The following TEX2 variants were observed in gnomAD, a reference collection of about 807,000 sequenced individuals.
TEX2 encodes the protein testis-expressed protein 2.
A neutral mutation model predicts 106.9 loss-of-function variants in TEX2; 53 were observed. That is an observed-to-expected ratio of 0.50 (90% CI 0.40 to 0.62). The LOEUF is 0.62. Among genes scored for constraint, TEX2 ranks in the 20% least tolerant of loss-of-function variants. The pLI, the probability that TEX2 is intolerant of heterozygous loss-of-function variation, is 0.00. For synonymous variants in TEX2, 523 were observed against 534.8 expected (o/e 0.98, Z 0.30); for missense variants, 1,207 against 1,379.0 (o/e 0.88, Z 1.98).
rs1382577068 is a variant in TEX2 at position 64,219,507 on chromosome 17, TC to T, written c.-25-5266del. ...GGCAACAGAGTGAGACTCCATCTCA[TC>T]AAATAAAATAAAATAAAATAAAATA... On this transcript the variant is annotated intron_variant, in intron 1 of 11. Coordinates refer to ENST00000584379, the MANE Select transcript of TEX2 (RefSeq NM_001288732.2). Among the ~76,000 whole-genome samples, 166 of 135,650 alleles carry T rather than the reference TC, an allele frequency of 1.2e-3. 3 individuals carry two copies. The highest frequency in any genetic ancestry group is 4.2e-3 in the African/African-American group (157 of 37,492). The allele number at this position is 135,650 out of a possible 152,430, so 89.0% of individuals were successfully genotyped here. A position where few individuals can be genotyped will look rare whatever the true frequency, so the allele number is the denominator to read the frequency against.
In TEX2 at chr17:64,148,411, C is replaced by T. The variant is rs2030167016; in HGVS notation, c.*558G>A. ...GTGTGTGTACTATGGCTACTTGCTT[C>T]CCAAATGCACAATTTAATGTGGAAA... On this transcript the variant is annotated 3_prime_UTR_variant, in exon 12 of 12. Transcript: ENST00000584379. The T allele has an allele frequency of 6.5e-6, 1 of 153,542 alleles. No individual in the cohort carries two copies. Among genetic ancestry groups the T allele is most frequent in the Middle Eastern group, 3.4e-3 (1 of 294 alleles). The allele number at this position is 153,542 out of a possible 1,614,324, so 9.5% of individuals were successfully genotyped here. A position where few individuals can be genotyped will look rare whatever the true frequency, so the allele number is the denominator to read the frequency against.
intron 7 of TEX2, 39 bp from the exon 8 acceptor site, chr17:64,160,972 C>T: frequency 1.3e-6 from 2 of 1,589,702 alleles, no homozygotes; most frequent in Non-Finnish European, 1.7e-6. Context: ...TTTTTTCCCT[C>T]AAAAAAACAC....
At chr17:64,175,307 AG>A (rs937833528) in intron 6 of TEX2, among the ~76,000 whole-genome samples, 1 of 152,192 alleles carries the variant, frequency 6.6e-6, no homozygotes, top group Non-Finnish European at 1.5e-5. Context: ...GAACACACTG[AG>A]GGAACACAAT....
intron 5 of TEX2, among the ~76,000 whole-genome samples, chr17:64,184,298 C>G (rs1218339501): frequency 6.7e-6 from 1 of 148,266 alleles, no homozygotes; most frequent in Non-Finnish European, 1.5e-5. Context: ...GATGGAGTCT[C>G]AATATGTTGC....
intron 6 of TEX2, among the ~76,000 whole-genome samples, chr17:64,172,596 C>A (rs1488134760): frequency 6.6e-6 from 1 of 152,096 alleles, no homozygotes; most frequent in East Asian, 1.9e-4. Flanking sequence ...GCCACAGCTC[C>A]TGTAACACAG....
At chr17:64,169,765 A>G (rs1218018446) in intron 7 of TEX2, among the ~76,000 whole-genome samples, 1 of 152,258 alleles carries the variant, frequency 6.6e-6, no homozygotes, top group East Asian at 1.9e-4. Flanking sequence ...AGTAGCTTCC[A>G]TGCTCTACAA....
At chr17:64,160,682 T>C in intron 8 of TEX2, 119 bp downstream of exon 8, 1 of 1,299,068 alleles carries the variant, frequency 7.7e-7, no homozygotes, top group Non-Finnish European at 1.1e-6. Flanking sequence ...CCAGGAGCAC[T>C]TACACAGAAG....
intron 1 of TEX2, among the ~76,000 whole-genome samples, chr17:64,221,139 G>C (rs1290455096): frequency 6.6e-6 from 1 of 152,104 alleles, no homozygotes; most frequent in Non-Finnish European, 1.5e-5. Context: ...CTTATAAGTG[G>C]GACCTGAACA....
rs1555632025 is a variant in TEX2, at chr17:64,213,381, T to A, written c.837A>T (p.Lys279Asn). 1 of 1,614,040 alleles carries A rather than the reference T, an allele frequency of 6.2e-7. No homozygotes were observed. Among genetic ancestry groups the A allele is most frequent in the Non-Finnish European group, 8.5e-7 (1 of 1,180,032 alleles). ...CAATTTTAGCCTCCATTTCGGGCAC[T>A]TTAAAAAAGGAACGAGTATCAGAGG... ...TSPSDTRSFF[K>N]VPEMEAKIED... The change falls in exon 2 of 12, where the codon AAA becomes AAT. Residue 279 changes from lysine to asparagine, a missense_variant. Transcript: ENST00000584379. This position sits in a 1 kb window ranked among gnomAD's most constrained non-coding sequence, Gnocchi z 4.4.
intron 5 of TEX2, among the ~76,000 whole-genome samples, chr17:64,183,756 T>A (rs2031971708): frequency 6.6e-6 from 1 of 152,160 alleles, no homozygotes; most frequent in South Asian, 2.1e-4. Context: ...ACATCCTCAC[T>A]AATACTTGTT....
intron 1 of TEX2, among the ~76,000 whole-genome samples, chr17:64,262,650 T>C (rs2034312554): frequency 6.6e-6 from 1 of 152,136 alleles, no homozygotes; most frequent in Admixed American, 6.5e-5. Flanking sequence ...GCCGCCTCCC[T>C]GCTAAAGCAC....
In TEX2 at chr17:64,195,999, T is replaced by A. The variant is rs1488470260; in HGVS notation, c.1645-904A>T. On this transcript the variant is annotated intron_variant, in intron 2 of 11. Transcript: ENST00000584379. The surrounding 1 kb of genome is among the most constrained non-coding windows in gnomAD (Gnocchi z 4.1). ...CTCTCCCCAACTTTTTAAAAATACATGTCTTTGTAATGAGCAGAGAGATGC... is the reference window on the plus strand; with the variant it reads ...CTCTCCCCAACTTTTTAAAAATACAAGTCTTTGTAATGAGCAGAGAGATGC... Among the ~76,000 whole-genome samples, 1 of 152,222 alleles carries A rather than the reference T, an allele frequency of 6.6e-6. No homozygotes were observed. The highest frequency in any genetic ancestry group is 1.5e-5 in the Non-Finnish European group (1 of 68,036).
At chr17:64,238,083 C>T (rs1271019406) in intron 1 of TEX2, among the ~76,000 whole-genome samples, 3 of 152,122 alleles carry the variant, frequency 2.0e-5, no homozygotes, top group African/African-American at 7.2e-5. Context: ...GGGAGAATCA[C>T]GATGTCAGGA....
intron 1 of TEX2, among the ~76,000 whole-genome samples, chr17:64,225,586 A>G (rs2033481909): frequency 6.6e-6 from 1 of 152,228 alleles, no homozygotes; most frequent in African/African-American, 2.4e-5. Context: ...ACCAGGAGTA[A>G]GCATTTTTCT....
At chr17:64,158,278 G>A (rs2030723396) in intron 8 of TEX2, among the ~76,000 whole-genome samples, 1 of 152,230 alleles carries the variant, frequency 6.6e-6, no homozygotes, top group Non-Finnish European at 1.5e-5. Context: ...AGGTTAAGCA[G>A]CATCTCCTCA....
At position 64,173,537 on chromosome 17, in the gene TEX2, G is replaced by C. The variant is rs144055774; in HGVS notation, c.2572-2338C>G. 4.0e-3 allele frequency among the ~76,000 whole-genome samples: 605 copies of C among 152,260 alleles called. 6 individuals are homozygous for C. The highest frequency in any genetic ancestry group is 0.014 in the African/African-American group (574 of 41,528). On this transcript the variant is annotated intron_variant, in intron 6 of 11. Transcript: ENST00000584379. ...AATGTAATCTCTGATTTTTTGTGGA[G>C]GGGATGTTAAAAAGGTTATAATGTC...
intron 8 of TEX2, 77 bp downstream of exon 8, chr17:64,160,724 A>C: frequency 6.4e-7 from 1 of 1,569,072 alleles, no homozygotes; most frequent in Non-Finnish European, 8.7e-7. Context: ...ACTACACATC[A>C]AATCTGCTTC....
In TEX2 at chr17:64,153,163, G is replaced by T. The variant is rs780366093; in HGVS notation, c.2931-9C>A. On this transcript the variant is annotated splice_polypyrimidine_tract_variant and intron_variant, in intron 9 of 11. Coordinates refer to ENST00000584379, the MANE Select transcript of TEX2 (RefSeq NM_001288732.2). This position sits in a 1 kb window ranked among gnomAD's most constrained non-coding sequence, Gnocchi z 4.1. ...GATGACCTCCAACGTACCTTCAAAT[G>T]TGGAACACAAAGGGCGGTTAGCACA... 37 of 1,605,944 alleles carry T rather than the reference G, an allele frequency of 2.3e-5. No individual in the cohort carries two copies. In the Middle Eastern group the frequency reaches 6.6e-4, roughly 29 times the overall value.
At chr17:64,154,095 T>A (rs185431180) in intron 9 of TEX2, among the ~76,000 whole-genome samples, 6 of 152,314 alleles carry the variant, frequency 3.9e-5, no homozygotes, top group Admixed American at 2.0e-4. Flanking sequence ...AAGTATGTGT[T>A]CAGGGAAAAG....
Sources: gnomAD v4.1 joint callset for allele counts (sites outside exome capture counted in the v4.1 genomes callset) on GRCh38, gnomAD v4.1.1 for gene constraint, Gnocchi (gnomAD v3.1) non-coding constraint, MANE v1.5 for transcripts, NCBI Gene and HGNC (gene_info 2026-07-23, HGNC 2026-07-21) for gene names.